Variants in PDE10A observed in about 807,000 individuals in gnomAD.
PDE10A encodes cAMP and cAMP-inhibited cGMP 3',5'-cyclic phosphodiesterase 10A.
PDE10A carries 39 observed loss-of-function variants against 97.7 expected under a neutral mutation model. The ratio of observed to expected loss-of-function variants is 0.40; its 90% CI spans 0.31 to 0.52. PDE10A has a LOEUF of 0.52. Among genes scored for constraint, PDE10A ranks in the 20% least tolerant of loss-of-function variants. The pLI is 0.56. For missense variants in PDE10A, 731 were observed against 1,047.8 expected (o/e 0.70, Z 4.17); for synonymous variants, 371 against 376.8 (o/e 0.98, Z 0.18).
chr6:165,379,391 C>A (rs1238130208), intron 17 of PDE10A, 25 bp from the exon 18 acceptor site: 3 of 1,574,262 alleles, frequency 1.9e-6, no homozygotes, highest in Non-Finnish European at 2.6e-6. Context: ...CAAATAAAAA[C>A]CACCAATAAC....
At chr6:165,872,240 G>A (rs887028621) in intron 1 of PDE10A, among the ~76,000 whole-genome samples, 1 of 152,154 alleles carries the variant, frequency 6.6e-6, no homozygotes, top group Admixed American at 6.5e-5. Flanking sequence ...TACATCCCAC[G>A]CGTTTAATAA....
At chr6:165,701,060 G>A (rs1791558699) in intron 1 of PDE10A, among the ~76,000 whole-genome samples, 1 of 152,224 alleles carries the variant, frequency 6.6e-6, no homozygotes, top group Non-Finnish European at 1.5e-5. Flanking sequence ...CTTGTGCCTA[G>A]TAGGTTACAG....
chr6:165,640,204 T>G (rs1337426126), intron 1 of PDE10A, among the ~76,000 whole-genome samples: 1 of 152,222 alleles, frequency 6.6e-6, no homozygotes, highest in Admixed American at 6.5e-5. Context: ...CTGAAAGGCT[T>G]TCAAAACATA....
intron 1 of PDE10A, among the ~76,000 whole-genome samples, chr6:165,668,810 G>A (rs906124114): frequency 1.1e-4 from 16 of 149,924 alleles, no homozygotes; most frequent in Middle Eastern, 3.4e-3. Flanking sequence ...AGGAAAGGAG[G>A]GAGGGAGGGA....
At chr6:165,392,879 ATGTC>A in intron 15 of PDE10A, 83 bp from the exon 16 acceptor site, 4 of 1,215,880 alleles carry the variant, frequency 3.3e-6, no homozygotes, top group African/African-American at 1.5e-5. Context: ...AGGTACATAT[ATGTC>A]TGTACCCTTA....
At chr6:165,527,806 T>C (rs189104513) in intron 2 of PDE10A, among the ~76,000 whole-genome samples, 122 of 152,322 alleles carry the variant, frequency 8.0e-4, no homozygotes, top group African/African-American at 2.8e-3. Flanking sequence ...CTGCCTTCTC[T>C]TCCTCAGTCT....
intron 1 of PDE10A, among the ~76,000 whole-genome samples, chr6:165,834,678 G>A (rs939549886): frequency 1.3e-5 from 2 of 152,176 alleles, no homozygotes; most frequent in Admixed American, 6.5e-5. Flanking sequence ...TCAGCACCAC[G>A]TGGCTGGTCT....
intron 16 of PDE10A, among the ~76,000 whole-genome samples, chr6:165,392,170 T>C (rs753561601): frequency 3.3e-5 from 5 of 152,226 alleles, no homozygotes; most frequent in Admixed American, 6.5e-5. Context: ...GCTTTGGATA[T>C]GTCACTAACT....
At chr6:165,590,525 G>C (rs1426959319) in intron 1 of PDE10A, among the ~76,000 whole-genome samples, 2 of 152,162 alleles carry the variant, frequency 1.3e-5, no homozygotes, top group Admixed American at 6.5e-5. Context: ...TATGTGCCAT[G>C]TACAAAACTG....
At chr6:165,973,834 C>T (rs1243923341) in intron 1 of PDE10A, among the ~76,000 whole-genome samples, 2 of 152,194 alleles carry the variant, frequency 1.3e-5, no homozygotes, top group Non-Finnish European at 2.9e-5. Flanking sequence ...ATTCCTTTAT[C>T]ACAATTCATC....
At chr6:165,838,607 C>T (rs1053756404) in intron 1 of PDE10A, among the ~76,000 whole-genome samples, 3 of 152,200 alleles carry the variant, frequency 2.0e-5, no homozygotes, top group Non-Finnish European at 4.4e-5. Flanking sequence ...ACTTTCAAGA[C>T]AATTTGTTTT....
intron 1 of PDE10A, among the ~76,000 whole-genome samples, chr6:165,681,836 G>T (rs940156080): frequency 6.6e-6 from 1 of 152,174 alleles, no homozygotes; most frequent in Admixed American, 6.5e-5. Flanking sequence ...GAGGAAGTGA[G>T]AAGCTCAGAG....
intron 5 of PDE10A, among the ~76,000 whole-genome samples, chr6:165,436,936 AG>A (rs1410030547): frequency 6.6e-6 from 1 of 152,206 alleles, no homozygotes; most frequent in East Asian, 1.9e-4. Context: ...GATAAATGCA[AG>A]AAAAAAAATT....
intron 18 of PDE10A, among the ~76,000 whole-genome samples, chr6:165,366,497 C>T (rs1202269246): frequency 6.6e-6 from 1 of 152,110 alleles, no homozygotes; most frequent in African/African-American, 2.4e-5. Context: ...AAAAACAAAT[C>T]TTGAAGATGC....
intron 1 of PDE10A, among the ~76,000 whole-genome samples, chr6:165,674,873 T>G (rs977125622): frequency 4.6e-5 from 7 of 152,176 alleles, no homozygotes; most frequent in African/African-American, 1.7e-4. Context: ...GCTGGAAGTT[T>G]TTGTTGTTGT....
At chr6:165,923,387 C>T (rs753076286) in intron 1 of PDE10A, among the ~76,000 whole-genome samples, 14 of 152,198 alleles carry the variant, frequency 9.2e-5, no homozygotes, top group Non-Finnish European at 1.8e-4. Context: ...GTGACCACAT[C>T]GTGGCAGGTG....
chr6:165,877,179 C>T (rs1011160977), intron 1 of PDE10A, among the ~76,000 whole-genome samples: 3 of 152,098 alleles, frequency 2.0e-5, no homozygotes, highest in African/African-American at 7.2e-5. Context: ...AAACTTACAC[C>T]TCATTGACAA....
intron 1 of PDE10A, among the ~76,000 whole-genome samples, chr6:165,609,295 A>T (rs1787377953): frequency 6.6e-6 from 1 of 152,230 alleles, no homozygotes; most frequent in Non-Finnish European, 1.5e-5. Context: ...AAGGCCTTTG[A>T]CAAAATTCAA....
At chr6:165,444,240 T>C (rs1303613378) in intron 5 of PDE10A, among the ~76,000 whole-genome samples, 1 of 152,188 alleles carries the variant, frequency 6.6e-6, no homozygotes, top group African/African-American at 2.4e-5. Flanking sequence ...TTCATCTTCC[T>C]GTCTTTTGAG....
Sources: allele counts gnomAD v4.1 joint callset (sites outside exome capture counted in the v4.1 genomes callset), GRCh38; gene constraint gnomAD v4.1.1; transcripts MANE v1.5; gene names NCBI Gene and HGNC (gene_info 2026-07-23, HGNC 2026-07-21).